Variants in SIL1 observed in about 807,000 individuals in gnomAD.
SIL1 encodes SIL1 nucleotide exchange factor.
Under a neutral mutation model 49.1 loss-of-function variants are expected in SIL1, and 40 were observed. The ratio of observed to expected loss-of-function variants is 0.81; its 90% CI spans 0.63 to 1.06. The LOEUF is 1.06. Ranked by LOEUF, SIL1 falls within the 50% of genes least tolerant of loss-of-function variation. The pLI is 0.00. For missense variants in SIL1, 500 were observed against 572.6 expected, an observed-to-expected ratio of 0.87 and a Z score of 1.29; for synonymous variants, 253 against 250.8, an observed-to-expected ratio of 1.01 and a Z score of -0.08.
intron 3 of SIL1, among the ~76,000 whole-genome samples, chr5:139,068,655 G>GAAAAAAAAAAAAAAAAAAA (rs745799045): frequency 1.5e-5 from 1 of 64,812 alleles, no homozygotes; most frequent in Non-Finnish European, 4.1e-5. Context: ...GAATGAAAAG[G>GAAAAAAAAAAAAAAAAAAA]AAAAAAAAAA....
At chr5:139,053,847 A>G (rs1356073985) in intron 3 of SIL1, among the ~76,000 whole-genome samples, 3 of 152,246 alleles carry the variant, frequency 2.0e-5, no homozygotes, top group South Asian at 2.1e-4. Context: ...AAGATTTCAC[A>G]GCACCATGAA....
chr5:139,011,051 CCTCCCCCAGCCTCGCTG>C (rs1259159906), intron 7 of SIL1, among the ~76,000 whole-genome samples: 2 of 150,306 alleles, frequency 1.3e-5, no homozygotes, highest in East Asian at 3.9e-4. Context: ...GGCGGGCGCC[CCTCCCCCAGCCTCGCTG>C]CCGCCTTGCA....
At chr5:139,047,595 G>A (rs1479073629) in intron 4 of SIL1, among the ~76,000 whole-genome samples, 1 of 152,224 alleles carries the variant, frequency 6.6e-6, no homozygotes, top group Non-Finnish European at 1.5e-5. Context: ...ACAGAATAAG[G>A]ATATAAGCAA....
At chr5:138,962,338 A>C (rs1017000133) in intron 7 of SIL1, among the ~76,000 whole-genome samples, 1 of 152,058 alleles carries the variant, frequency 6.6e-6, no homozygotes, top group South Asian at 2.1e-4. Flanking sequence ...AAAAAGCCCA[A>C]ACCCAGGAAG....
chr5:138,985,081 T>A (rs538664498), intron 7 of SIL1, among the ~76,000 whole-genome samples: 1 of 152,242 alleles, frequency 6.6e-6, no homozygotes. Flanking sequence ...CTTATCTCTA[T>A]AGCATCCTAA....
Position 139,126,591 on chromosome 5 carries a change from G to T in SIL1, c.105+1148C>A, listed in dbSNP as rs148361663. 1.2e-4 allele frequency among the ~76,000 whole-genome samples: 18 copies of T among 152,266 alleles called. No homozygotes were observed. The East Asian group carries it at 2.5e-3, about 21-fold the overall frequency. The stretch of plus-strand genomic sequence containing the variant: ...CAGTCCCATTCTCAGGGGCCCCTGG[G>T]ATCCCATTCTTACTGTCCTTGAAGA... On this transcript the variant is annotated intron_variant, in intron 2 of 9. Transcript: ENST00000394817.
chr5:139,190,310 C>T (rs565847609), intron 1 of SIL1, among the ~76,000 whole-genome samples: 48 of 152,118 alleles, frequency 3.2e-4, no homozygotes, highest in Non-Finnish European at 5.3e-4. Flanking sequence ...GTTTCTAACA[C>T]GGAGGAAGGC....
In SIL1 at chr5:138,947,687, G is replaced by C. The variant is rs1009251258; in HGVS notation, c.1030-214C>G. On this transcript the variant is annotated intron_variant, in intron 9 of 9. Coordinates refer to ENST00000394817, the MANE Select transcript of SIL1 (RefSeq NM_022464.5). The surrounding 1 kb of genome is among the most constrained non-coding windows in gnomAD (Gnocchi z 4.1). ...CACTTGTGTGGTGCCAGGTGCTGAA[G>C]AAACCACGATGGAGACATAGTCTTA... Among the ~76,000 whole-genome samples, 19 of 152,234 alleles carry C rather than the reference G, an allele frequency of 1.2e-4. No individual in the cohort carries two copies. Among genetic ancestry groups the C allele is most frequent in the African/African-American group, 4.6e-4 (19 of 41,454 alleles).
At chr5:139,076,592 G>A (rs1314639066) in intron 3 of SIL1, among the ~76,000 whole-genome samples, 2 of 152,164 alleles carry the variant, frequency 1.3e-5, no homozygotes, top group African/African-American at 2.4e-5. Context: ...GTACCTCAGA[G>A]TTCCTCCATT....
At chr5:139,070,512 T>G (rs912715069) in intron 3 of SIL1, among the ~76,000 whole-genome samples, 1 of 152,198 alleles carries the variant, frequency 6.6e-6, no homozygotes, top group Non-Finnish European at 1.5e-5. Context: ...TAAAACTTCT[T>G]AGAGAAACAG....
intron 3 of SIL1, among the ~76,000 whole-genome samples, chr5:139,084,811 A>T (rs555492005): frequency 7.1e-4 from 108 of 152,310 alleles, no homozygotes; most frequent in African/African-American, 2.5e-3. Flanking sequence ...AAAAAAAAAT[A>T]AAAAATCAAA....
At chr5:139,134,164 C>A (rs1750925060) in intron 1 of SIL1, among the ~76,000 whole-genome samples, 1 of 152,210 alleles carries the variant, frequency 6.6e-6, no homozygotes, top group Non-Finnish European at 1.5e-5. Flanking sequence ...GTCACCCAGG[C>A]TGGAGTGCAA....
chr5:138,973,999 T>C (rs1767341782), intron 7 of SIL1, among the ~76,000 whole-genome samples: 1 of 152,224 alleles, frequency 6.6e-6, no homozygotes, highest in Non-Finnish European at 1.5e-5. Flanking sequence ...CTATTTTCAA[T>C]GTAGAGACCC....
intron 1 of SIL1, among the ~76,000 whole-genome samples, chr5:139,162,460 C>T (rs1751531541): frequency 6.6e-6 from 1 of 152,176 alleles, no homozygotes; most frequent in South Asian, 2.1e-4. Context: ...ACAAACTCCC[C>T]CTTCCAGTAA....
At chr5:139,123,417 G>GA (rs1750688285) in intron 2 of SIL1, among the ~76,000 whole-genome samples, 2 of 152,126 alleles carry the variant, frequency 1.3e-5, no homozygotes, top group Non-Finnish European at 1.5e-5. Context: ...TGAAGCTGCT[G>GA]AAAAAACAGA....
intron 3 of SIL1, among the ~76,000 whole-genome samples, chr5:139,064,057 C>A (rs1769650230): frequency 6.6e-6 from 1 of 152,144 alleles, no homozygotes; most frequent in Non-Finnish European, 1.5e-5. Flanking sequence ...TTTCCCCGTA[C>A]CCTATCAGTC....
chr5:138,984,939 T>C (rs776717681), intron 7 of SIL1, among the ~76,000 whole-genome samples: 1 of 152,078 alleles, frequency 6.6e-6, no homozygotes, highest in Non-Finnish European at 1.5e-5. Flanking sequence ...ACCAGCAAAA[T>C]AGGCAAATTA....
At chr5:139,069,785 A>T (rs749729574) in intron 3 of SIL1, among the ~76,000 whole-genome samples, 7 of 152,244 alleles carry the variant, frequency 4.6e-5, no homozygotes, top group Non-Finnish European at 7.3e-5. Context: ...CAAGTAACTT[A>T]TAAAGAAAAT....
intron 1 of SIL1, among the ~76,000 whole-genome samples, chr5:139,142,964 T>C (rs535166247): frequency 2.2e-4 from 33 of 152,034 alleles, no homozygotes; most frequent in Non-Finnish European, 3.7e-4. Context: ...TAGACAGGGT[T>C]TCACTGTGTT....
Sources: gnomAD v4.1 joint callset for allele counts (sites outside exome capture counted in the v4.1 genomes callset) on GRCh38, gnomAD v4.1.1 for gene constraint, Gnocchi (gnomAD v3.1) non-coding constraint, MANE v1.5 for transcripts, NCBI Gene and HGNC (gene_info 2026-07-23, HGNC 2026-07-21) for gene names.